The following SPEF2 variants were observed in gnomAD, a reference collection of about 807,000 sequenced individuals.
The protein encoded by SPEF2 is sperm flagella and cilia-associated protein 2.
A neutral mutation model predicts 224.6 loss-of-function variants in SPEF2; 187 were observed. That is an observed-to-expected ratio of 0.83 (90% CI 0.74 to 0.94). The LOEUF (loss-of-function observed/expected upper bound fraction) is 0.94. Ranked by LOEUF, SPEF2 falls within the 40% of genes least tolerant of loss-of-function variation. The pLI is 0.00. For missense variants in SPEF2, 2,170 were observed against 2,135.6 expected, an observed-to-expected ratio of 1.02 and a Z score of -0.32; for synonymous variants, 715 against 707.3, an observed-to-expected ratio of 1.01 and a Z score of -0.17.
chr5:35,731,875 G>A (rs1745695964), intron 21 of SPEF2, among the ~76,000 whole-genome samples: 1 of 152,112 alleles, frequency 6.6e-6, no homozygotes, highest in South Asian at 2.1e-4. Context: ...TCAGGGGCTG[G>A]AAGAACCTAC....
At chr5:35,800,576 T>A (rs999155318) in intron 34 of SPEF2, among the ~76,000 whole-genome samples, 6 of 152,240 alleles carry the variant, frequency 3.9e-5, no homozygotes, top group African/African-American at 1.4e-4. Context: ...GCCCGGCCAC[T>A]GGAAACCTGC....
intron 32 of SPEF2, 134 bp downstream of exon 32, chr5:35,793,475 G>A (rs1756231823): frequency 7.2e-6 from 6 of 828,134 alleles, no homozygotes; most frequent in Non-Finnish European, 1.0e-5. Flanking sequence ...TAGGCACCCA[G>A]AGGCAGCACA....
At chr5:35,646,493 G>A (rs749168733) in intron 4 of SPEF2, 174 bp from the exon 5 acceptor site, 8 of 507,052 alleles carry the variant, frequency 1.6e-5, no homozygotes, top group Middle Eastern at 5.3e-4. Context: ...TTCACAGTAA[G>A]TCATATTAAC....
At chr5:35,802,643 T>A (rs1043316920) in intron 34 of SPEF2, among the ~76,000 whole-genome samples, 2 of 151,038 alleles carry the variant, frequency 1.3e-5, no homozygotes, top group African/African-American at 4.9e-5. Context: ...CCAAAGAAGG[T>A]GAGGGGGAGA....
At chr5:35,780,788 ATCAC>A (rs1204389300) in intron 30 of SPEF2, among the ~76,000 whole-genome samples, 1 of 152,140 alleles carries the variant, frequency 6.6e-6, no homozygotes, top group East Asian at 1.9e-4. Context: ...CTGGGAGGAA[ATCAC>A]TCAATTAATA....
At chr5:35,723,825 T>G (rs1260975783) in intron 20 of SPEF2, among the ~76,000 whole-genome samples, 2 of 152,232 alleles carry the variant, frequency 1.3e-5, no homozygotes, top group Non-Finnish European at 2.9e-5. Context: ...GGACAGTATG[T>G]GGCACAATAT....
chr5:35,627,923 T>C (rs1420041904), intron 1 of SPEF2, among the ~76,000 whole-genome samples: 1 of 152,122 alleles, frequency 6.6e-6, no homozygotes, highest in East Asian at 1.9e-4. Context: ...GGCCATAGTG[T>C]CCCCTCTGAA....
intron 30 of SPEF2, chr5:35,790,218 G>A: frequency 1.4e-6 from 1 of 689,732 alleles, no homozygotes; most frequent in Non-Finnish European, 2.6e-6. Context: ...AAGTATGACG[G>A]ATGTCCTAAT....
At chr5:35,775,396 A>T (rs1393343644) in intron 28 of SPEF2, among the ~76,000 whole-genome samples, 1 of 152,128 alleles carries the variant, frequency 6.6e-6, no homozygotes, top group Non-Finnish European at 1.5e-5. Flanking sequence ...AATTGGCGTG[A>T]GAATGAAGAG....
At chr5:35,706,078 G>A (rs116078944) in intron 18 of SPEF2, among the ~76,000 whole-genome samples, 2,802 of 151,460 alleles carry the variant, frequency 0.018, 63 homozygotes, top group South Asian at 0.054. Context: ...AAACCCAGCA[G>A]AGTTAAATTT....
At chr5:35,759,816 T>C in intron 25 of SPEF2, 97 bp downstream of exon 25, 1 of 1,220,616 alleles carries the variant, frequency 8.2e-7, no homozygotes, top group Admixed American at 2.7e-5. Flanking sequence ...CTCCTTTATC[T>C]GCAAATCTAA....
At chr5:35,632,682 C>T (rs2149380571) in intron 2 of SPEF2, among the ~76,000 whole-genome samples, 1 of 152,164 alleles carries the variant, frequency 6.6e-6, no homozygotes, top group South Asian at 2.1e-4. Flanking sequence ...TCTTTTTTAA[C>T]ATTTGCATTG....
chr5:35,701,272 A>C (rs1738566990), intron 16 of SPEF2, among the ~76,000 whole-genome samples: 1 of 152,146 alleles, frequency 6.6e-6, no homozygotes, highest in Admixed American at 6.5e-5. Context: ...CCTTTATTCC[A>C]CAAATTAAAT....
intron 5 of SPEF2, among the ~76,000 whole-genome samples, 170 bp downstream of exon 5, chr5:35,646,977 T>A (rs2149416230): frequency 6.6e-6 from 1 of 152,376 alleles, no homozygotes; most frequent in East Asian, 1.9e-4. Context: ...TCAACTTATT[T>A]TATATTGTTA....
chr5:35,749,005 C>A (rs1055558759), intron 23 of SPEF2, among the ~76,000 whole-genome samples: 20 of 152,060 alleles, frequency 1.3e-4, no homozygotes, highest in Non-Finnish European at 2.8e-4. Context: ...GGGTTTTATA[C>A]CAGGGATGCA....
At chr5:35,688,573 C>A (rs1196110776) in intron 10 of SPEF2, among the ~76,000 whole-genome samples, 1 of 151,954 alleles carries the variant, frequency 6.6e-6, no homozygotes. Flanking sequence ...TAGTATTTAG[C>A]CTTCCTTGGA....
At chr5:35,644,917 C>T (rs983866171) in intron 4 of SPEF2, among the ~76,000 whole-genome samples, 1 of 152,204 alleles carries the variant, frequency 6.6e-6, no homozygotes, top group Non-Finnish European at 1.5e-5. Context: ...CTCGCTTTCT[C>T]CTCTTTTGCA....
intron 29 of SPEF2, among the ~76,000 whole-genome samples, chr5:35,777,866 A>G (rs1261447678): frequency 6.6e-6 from 1 of 151,978 alleles, no homozygotes; most frequent in Admixed American, 6.6e-5. Context: ...TCTACTAGTC[A>G]TGTTTTACAG....
At chr5:35,633,167 T>C (rs1247701213) in intron 2 of SPEF2, 1 of 152,206 alleles carries the variant, frequency 6.6e-6, no homozygotes, top group Admixed American at 6.5e-5. Flanking sequence ...TATAGTGTTA[T>C]CCAGGTCTTA....
Sources: allele counts gnomAD v4.1 joint callset (sites outside exome capture counted in the v4.1 genomes callset), GRCh38; gene constraint gnomAD v4.1.1; transcripts MANE v1.5; gene names NCBI Gene and HGNC (gene_info 2026-07-23, HGNC 2026-07-21).